Variants in CNBD1 observed in about 807,000 individuals in gnomAD.
CNBD1 encodes the protein cyclic nucleotide binding domain containing 1.
CNBD1 carries 71 observed loss-of-function variants against 54.4 expected under a neutral mutation model. The ratio of observed to expected loss-of-function variants is 1.30; its 90% CI spans 1.08 to 1.59. The LOEUF is 1.59. CNBD1 is among the 40% of genes most tolerant of loss of function. CNBD1 has a pLI of 0.00. For synonymous variants in CNBD1, 182 were observed against 170.7 expected (o/e 1.07, Z -0.51); for missense variants, 659 against 518.0 (o/e 1.27, Z -2.64).
At chr8:87,342,943 C>A (rs1031118271) in intron 8 of CNBD1, among the ~76,000 whole-genome samples, 1 of 152,122 alleles carries the variant, frequency 6.6e-6, no homozygotes, top group Non-Finnish European at 1.5e-5. Flanking sequence ...TTTCCCAATC[C>A]TAGCAAGCCT....
intron 5 of CNBD1, among the ~76,000 whole-genome samples, chr8:87,230,460 GCACA>G (rs1196486144): frequency 2.0e-5 from 3 of 152,044 alleles, no homozygotes; most frequent in Non-Finnish European, 4.4e-5. Flanking sequence ...TGCACGTACA[GCACA>G]CACACAGAGC....
chr8:87,286,521 A>T lies in CNBD1; in HGVS notation c.910-18A>T. On this transcript the variant is annotated intron_variant, in intron 7 of 10. Coordinates refer to ENST00000518476, the MANE Select transcript of CNBD1 (RefSeq NM_173538.3). ...AATTGCCTGTTATTAAAAATTTGAT[A>T]ATGACATTCTGTTTTAGGAAAAAAT... 1 of 1,333,714 alleles carries T rather than the reference A, an allele frequency of 7.5e-7. No homozygotes were observed. Among genetic ancestry groups the T allele is most frequent in the Non-Finnish European group, 1.0e-6 (1 of 958,966 alleles). The allele number at this position is 1,333,714 out of a possible 1,614,324, so 82.6% of individuals were successfully genotyped here. A position where few individuals can be genotyped will look rare whatever the true frequency, so the allele number is the denominator to read the frequency against.
chr8:87,192,988 C>T (rs1237639943), intron 4 of CNBD1, among the ~76,000 whole-genome samples: 2 of 152,084 alleles, frequency 1.3e-5, no homozygotes, highest in South Asian at 2.1e-4. Flanking sequence ...AAGTGGTAAT[C>T]GCTTCTCTAT....
At chr8:86,923,857 A>C (rs10808354) in intron 3 of CNBD1, among the ~76,000 whole-genome samples, 84,001 of 152,012 alleles carry the variant, frequency 0.55, 23,408 homozygotes, top group South Asian at 0.6. Flanking sequence ...AGAACAGAAT[A>C]TTCTGGGGAA....
intron 5 of CNBD1, among the ~76,000 whole-genome samples, chr8:87,207,949 C>T (rs1043974282): frequency 1.2e-4 from 19 of 152,194 alleles, no homozygotes; most frequent in Admixed American, 2.6e-4. Flanking sequence ...CCAAAGAAGT[C>T]AACTCATTAA....
chr8:87,208,300 T>C (rs1486657598), intron 5 of CNBD1, among the ~76,000 whole-genome samples: 1 of 152,112 alleles, frequency 6.6e-6, no homozygotes, highest in Non-Finnish European at 1.5e-5. Context: ...CGAACAGTAA[T>C]AGGAAAACAA....
At chr8:86,881,955 G>A (rs771619101) in intron 1 of CNBD1, among the ~76,000 whole-genome samples, 24 of 152,078 alleles carry the variant, frequency 1.6e-4, no homozygotes, top group Non-Finnish European at 2.8e-4. Flanking sequence ...GGGAAAACTG[G>A]GTACTGGGAA....
At chr8:87,406,123 A>T (rs573867704) in intron 2 of CNBD1, among the ~76,000 whole-genome samples, 4 of 152,228 alleles carry the variant, frequency 2.6e-5, no homozygotes, top group Admixed American at 2.0e-4. Flanking sequence ...TTAGATAATG[A>T]TACAAACAAG....
At position 87,052,436 on chromosome 8, in the gene CNBD1, G is replaced by T. The variant is rs191399077; in HGVS notation, c.431+112682G>T. Among the ~76,000 whole-genome samples the T allele has an allele frequency of 1.3e-3, 202 of 152,322 alleles. 1 individual carries two copies. The highest frequency in any genetic ancestry group is 4.5e-3 in the African/African-American group (187 of 41,576). Reference sequence around the variant, plus strand: ...TCTGGTTTTTGATCTATCATAGATAGCTTAGAGTAGTTAAGCGATTTGGCC... The same window carrying T: ...TCTGGTTTTTGATCTATCATAGATATCTTAGAGTAGTTAAGCGATTTGGCC... On this transcript the variant is annotated intron_variant, in intron 4 of 10. Coordinates refer to ENST00000518476, the MANE Select transcript of CNBD1 (RefSeq NM_173538.3).
At chr8:87,253,566 G>A (rs763820911) in intron 6 of CNBD1, among the ~76,000 whole-genome samples, 6 of 152,228 alleles carry the variant, frequency 3.9e-5, no homozygotes, top group South Asian at 2.1e-4. Context: ...TTCTTCATTC[G>A]TTCTCATAGT....
rs140059920 is a variant in CNBD1, at chr8:86,929,317, C to T, written c.273-10279C>T. On this transcript the variant is annotated intron_variant, in intron 3 of 10. Coordinates refer to ENST00000518476, the MANE Select transcript of CNBD1 (RefSeq NM_173538.3). ...AGGATTAGAGAAGCATACTTGCTATCTGTAGACACATTTATTCTTTTTTCC... is the reference window on the plus strand; with the variant it reads ...AGGATTAGAGAAGCATACTTGCTATTTGTAGACACATTTATTCTTTTTTCC... Among the ~76,000 whole-genome samples the T allele has an allele frequency of 2.9e-3, 444 of 152,326 alleles. 6 individuals carry two copies. Among genetic ancestry groups the T allele is most frequent in the African/African-American group, 0.01 (426 of 41,574 alleles).
intron 1 of CNBD1, among the ~76,000 whole-genome samples, chr8:86,881,310 A>G (rs1003003518): frequency 1.3e-5 from 2 of 152,016 alleles, no homozygotes; most frequent in Non-Finnish European, 2.9e-5. Context: ...TCTCAAGCTT[A>G]TAAGCAAAGT....
intron 4 of CNBD1, among the ~76,000 whole-genome samples, chr8:87,142,016 A>G (rs962421103): frequency 6.6e-6 from 1 of 152,178 alleles, no homozygotes; most frequent in South Asian, 2.1e-4. Flanking sequence ...CATAAAATAC[A>G]TTGGAACATT....
chr8:87,352,799 A>G (rs552181193), intron 9 of CNBD1, among the ~76,000 whole-genome samples: 1 of 152,190 alleles, frequency 6.6e-6, no homozygotes, highest in Non-Finnish European at 1.5e-5. Context: ...GAATTCAATT[A>G]AATATCTAAA....
intron 4 of CNBD1, among the ~76,000 whole-genome samples, chr8:86,977,244 A>G (rs1187002640): frequency 7.8e-6 from 1 of 127,894 alleles, no homozygotes; most frequent in African/African-American, 2.9e-5. Context: ...CTGGATTTCT[A>G]TTTCCTTTCT....
chr8:87,138,776 G>C (rs1456246011), intron 4 of CNBD1, among the ~76,000 whole-genome samples: 1 of 152,154 alleles, frequency 6.6e-6, no homozygotes, highest in Admixed American at 6.5e-5. Flanking sequence ...TAAGGTCAGG[G>C]AATATGTCTT....
At chr8:86,908,345 A>C (rs746345714) in intron 3 of CNBD1, among the ~76,000 whole-genome samples, 1 of 152,212 alleles carries the variant, frequency 6.6e-6, no homozygotes, top group African/African-American at 2.4e-5. Context: ...TAGGAAATCA[A>C]ATAGAAAAGA....
chr8:87,092,986 C>T (rs1176051270), intron 4 of CNBD1, among the ~76,000 whole-genome samples: 1 of 152,186 alleles, frequency 6.6e-6, no homozygotes, highest in Non-Finnish European at 1.5e-5. Flanking sequence ...CATATCTACT[C>T]CTTCCAATTC....
chr8:87,399,628 C>T (rs1313241958), intron 2 of CNBD1, among the ~76,000 whole-genome samples: 1 of 151,898 alleles, frequency 6.6e-6, no homozygotes, highest in Non-Finnish European at 1.5e-5. Flanking sequence ...AAATATTTAA[C>T]CCTTGGTAAA....
Sources: allele counts gnomAD v4.1 joint callset (sites outside exome capture counted in the v4.1 genomes callset), GRCh38; gene constraint gnomAD v4.1.1; transcripts MANE v1.5; gene names NCBI Gene and HGNC (gene_info 2026-07-23, HGNC 2026-07-21).